ALDH1A2: variants seen among roughly 807,000 people sequenced by gnomAD.
ALDH1A2 encodes the protein aldehyde dehydrogenase 1 family member A2.
In ALDH1A2, 27 loss-of-function variants were observed where a neutral mutation model predicts 60.3. That is an observed-to-expected ratio of 0.45 (90% CI 0.33 to 0.62). The LOEUF (loss-of-function observed/expected upper bound fraction) is 0.62. Among genes scored for constraint, ALDH1A2 ranks in the 20% least tolerant of loss-of-function variants. The pLI is 0.02. For synonymous variants in ALDH1A2, 289 were observed against 232.4 expected, an observed-to-expected ratio of 1.24 and a Z score of -2.21; for missense variants, 581 against 643.8, an observed-to-expected ratio of 0.90 and a Z score of 1.06.
chr15:58,051,903 AGCTTAGCTTG>A (rs1896786219), intron 1 of ALDH1A2, among the ~76,000 whole-genome samples: 1 of 152,146 alleles, frequency 6.6e-6, no homozygotes, highest in Admixed American at 6.5e-5. Flanking sequence ...GGTTTTCATG[AGCTTAGCTTG>A]GCAGGAAAGC....
chr15:58,036,669 A>T (rs1266302970), intron 1 of ALDH1A2: 7 of 151,612 alleles, frequency 4.6e-5, no homozygotes, highest in Non-Finnish European at 7.4e-5. Flanking sequence ...AATTGTAAGT[A>T]CGACTGAAAA....
At chr15:57,974,561 A>T (rs1305669913) in intron 7 of ALDH1A2, among the ~76,000 whole-genome samples, 1 of 152,168 alleles carries the variant, frequency 6.6e-6, no homozygotes, top group African/African-American at 2.4e-5. Flanking sequence ...ATGGTGCAGG[A>T]ACTATTGTCA....
intron 1 of ALDH1A2, among the ~76,000 whole-genome samples, chr15:58,046,351 A>G (rs1896640208): frequency 6.6e-6 from 1 of 152,094 alleles, no homozygotes. Flanking sequence ...TGTTCCCCCA[A>G]GACAGGTGTA....
At position 58,039,392 on chromosome 15, in the gene ALDH1A2, G is replaced by A. The variant is rs149086428; in HGVS notation, c.118-25111C>T. ...CACCAGATGAAAAAGGGATAACCCC[G>A]GGAAAGGAAGGGCTTGCTTCCATGT... is the stretch of plus-strand genomic sequence containing the variant. On this transcript the variant is annotated intron_variant, in intron 1 of 12. Coordinates refer to ENST00000249750, the MANE Select transcript of ALDH1A2 (RefSeq NM_003888.4). 2.4e-3 allele frequency among the ~76,000 whole-genome samples: 360 copies of A among 151,690 alleles called. 1 individual carries two copies. Among genetic ancestry groups the A allele is most frequent in the African/African-American group, 8.4e-3 (346 of 41,422 alleles).
At chr15:58,011,032 A>C (rs189703905) in intron 3 of ALDH1A2, among the ~76,000 whole-genome samples, 7 of 152,164 alleles carry the variant, frequency 4.6e-5, no homozygotes, top group Non-Finnish European at 7.4e-5. Context: ...CGTTAACACA[A>C]TATTTCTTTA....
chr15:58,053,763 C>T (rs1896832115), intron 1 of ALDH1A2, among the ~76,000 whole-genome samples: 1 of 152,146 alleles, frequency 6.6e-6, no homozygotes, highest in Admixed American at 6.5e-5. Context: ...GCTCAATGTG[C>T]TGAACACAAT....
At chr15:57,971,356 G>GT (rs1894060846) in intron 7 of ALDH1A2, among the ~76,000 whole-genome samples, 1 of 152,128 alleles carries the variant, frequency 6.6e-6, no homozygotes, top group African/African-American at 2.4e-5. Context: ...TGCTATGTAC[G>GT]TAACTCTCAC....
chr15:57,956,201 G>GAAGGA (rs1893520497), intron 12 of ALDH1A2, among the ~76,000 whole-genome samples: 3 of 152,198 alleles, frequency 2.0e-5, no homozygotes, highest in Admixed American at 2.0e-4. Flanking sequence ...ACCAAGGAAG[G>GAAGGA]AAGGAAAGTA....
chr15:57,997,671 T>C (rs1895110590), intron 4 of ALDH1A2, among the ~76,000 whole-genome samples: 1 of 151,928 alleles, frequency 6.6e-6, no homozygotes, highest in Non-Finnish European at 1.5e-5. Context: ...ATATCACAAG[T>C]TACCGAAAAA....
intron 4 of ALDH1A2, among the ~76,000 whole-genome samples, chr15:58,001,381 A>C (rs2140502388): frequency 6.6e-6 from 1 of 152,052 alleles, no homozygotes; most frequent in South Asian, 2.1e-4. Context: ...GGGTAAAAAT[A>C]AACAAAGAAA....
intron 7 of ALDH1A2, among the ~76,000 whole-genome samples, chr15:57,982,547 A>G (rs988893746): frequency 6.6e-6 from 1 of 152,168 alleles, no homozygotes; most frequent in Non-Finnish European, 1.5e-5. Flanking sequence ...AGAGAAATTA[A>G]CTCAGGCTGA....
intron 12 of ALDH1A2, among the ~76,000 whole-genome samples, chr15:57,960,558 T>C (rs1363126419): frequency 6.6e-6 from 1 of 152,240 alleles, no homozygotes; most frequent in Non-Finnish European, 1.5e-5. Context: ...AATGGTACAT[T>C]AATTTTTTCC....
rs1474502967 is a variant in ALDH1A2 at position 57,954,113 on chromosome 15, G to GGA, written c.*1083_*1084insTC. The GGA allele has an allele frequency of 1.3e-5, 2 of 152,368 alleles. No individual in the cohort carries two copies. Among genetic ancestry groups the GGA allele is most frequent in the East Asian group, 3.8e-4 (2 of 5,324 alleles). 9.4% of individuals were successfully genotyped at this position (152,368 alleles called of 1,614,324 possible). A position where few individuals can be genotyped will look rare whatever the true frequency, so the allele number is the denominator to read the frequency against. On this transcript the variant is annotated 3_prime_UTR_variant, in exon 13 of 13. Coordinates refer to ENST00000249750, the MANE Select transcript of ALDH1A2 (RefSeq NM_003888.4). ...TGGCAAATGGAAAAGGAAACCCCTA[G>GGA]GCTTGGCCAGATTTTCCAAGGTCAC... is the stretch of plus-strand genomic sequence containing the variant.
intron 3 of ALDH1A2, among the ~76,000 whole-genome samples, chr15:58,011,893 G>C (rs1278474416): frequency 6.6e-6 from 1 of 152,200 alleles, no homozygotes; most frequent in African/African-American, 2.4e-5. Context: ...ACAGCTTAGA[G>C]TGAATAGTGT....
chr15:58,024,476 C>G (rs1299360087), intron 1 of ALDH1A2, among the ~76,000 whole-genome samples: 1 of 151,998 alleles, frequency 6.6e-6, no homozygotes, highest in Non-Finnish European at 1.5e-5. Flanking sequence ...CCAAGAAGTT[C>G]ATTATATAAT....
chr15:57,955,454 A>T (rs1251763111), intron 12 of ALDH1A2, among the ~76,000 whole-genome samples, 185 bp from the exon 13 acceptor site: 2 of 150,828 alleles, frequency 1.3e-5, no homozygotes, highest in Admixed American at 6.6e-5. Context: ...CTGTCATCTC[A>T]TGAGTAGTTT....
At chr15:58,016,956 G>A (rs953533801) in intron 1 of ALDH1A2, among the ~76,000 whole-genome samples, 17 of 151,920 alleles carry the variant, frequency 1.1e-4, no homozygotes, top group African/African-American at 4.1e-4. Flanking sequence ...GCCCATAATG[G>A]GATAAAGAAT....
intron 12 of ALDH1A2, among the ~76,000 whole-genome samples, chr15:57,957,013 CTGAGCAG>C: frequency 6.6e-6 from 1 of 152,314 alleles, no homozygotes; most frequent in South Asian, 2.1e-4. Flanking sequence ...TCTCTGGGTC[CTGAGCAG>C]TGATCTGTGC....
chr15:57,987,884 A>T (rs1894761336), intron 7 of ALDH1A2, among the ~76,000 whole-genome samples: 1 of 139,668 alleles, frequency 7.2e-6, no homozygotes, highest in Non-Finnish European at 1.5e-5. Context: ...GACCCCTCAA[A>T]AAAAAAAAAA....
Sources: gnomAD v4.1 joint callset for allele counts (sites outside exome capture counted in the v4.1 genomes callset) on GRCh38, gnomAD v4.1.1 for gene constraint, MANE v1.5 for transcripts, NCBI Gene and HGNC (gene_info 2026-07-23, HGNC 2026-07-21) for gene names.